The following MBD5 variants were observed in gnomAD, a reference collection of about 807,000 sequenced individuals.
MBD5 encodes the protein methyl-CpG binding domain protein 5.
Under a neutral mutation model 117.3 loss-of-function variants are expected in MBD5, and 13 were observed. The observed-to-expected ratio is 0.11, with a 90% CI of 0.07 to 0.18. The LOEUF (loss-of-function observed/expected upper bound fraction) is 0.18. Ranked by LOEUF, MBD5 falls within the 10% of genes least tolerant of loss-of-function variation. The pLI is 1.00. For missense variants in MBD5, 1,879 were observed against 2,093.8 expected, an observed-to-expected ratio of 0.90 and a Z score of 2.00; for synonymous variants, 727 against 766.4, an observed-to-expected ratio of 0.95 and a Z score of 0.85.
intron 4 of MBD5, among the ~76,000 whole-genome samples, chr2:148,357,132 A>C (rs137995973): frequency 8.1e-4 from 124 of 152,314 alleles, no homozygotes; most frequent in African/African-American, 2.9e-3. Flanking sequence ...GAGAAAACAC[A>C]TTTAAAAGGT....
Position 148,176,311 on chromosome 2 carries a change from T to G in MBD5, c.-924-2389T>G, listed in dbSNP as rs142533343. Among the ~76,000 whole-genome samples, 14 of 151,396 alleles carry G rather than the reference T, an allele frequency of 9.2e-5. No individual in the cohort carries two copies. The East Asian group carries it at 9.6e-4, about 10-fold the overall frequency. On this transcript the variant is annotated intron_variant, in intron 1 of 13. Coordinates refer to ENST00000642680, the MANE Select transcript of MBD5 (RefSeq NM_001378120.1). ...TCTGTTTATTAGAGTTTTGTTTTTT[T>G]TTTTTTTTTTTCAGAAAAAAATCTT... is the stretch of plus-strand genomic sequence containing the variant.
chr2:148,056,051 A>G (rs895389705), intron 1 of MBD5: 2 of 152,128 alleles, frequency 1.3e-5, no homozygotes, highest in Non-Finnish European at 2.9e-5. Flanking sequence ...ACCTCTCCTT[A>G]TATTTTACTC....
chr2:148,434,521 G>A (rs1156909372), intron 4 of MBD5, among the ~76,000 whole-genome samples: 3 of 151,626 alleles, frequency 2.0e-5, no homozygotes, highest in Non-Finnish European at 3.0e-5. Context: ...TTACCTGAAA[G>A]TCTTTCAGGA....
At chr2:148,346,345 C>T (rs1042215802) in intron 4 of MBD5, 1 of 151,934 alleles carries the variant, frequency 6.6e-6, no homozygotes, top group Non-Finnish European at 1.5e-5. Context: ...TCCCACTACA[C>T]ACTTTGAAAA....
chr2:148,315,911 T>C (rs763625997), intron 3 of MBD5, among the ~76,000 whole-genome samples: 1 of 152,220 alleles, frequency 6.6e-6, no homozygotes, highest in Non-Finnish European at 1.5e-5. Context: ...TAAGACTGGG[T>C]ACTTCATAAA....
rs367899250 is a variant in MBD5, at chr2:148,270,100, A to C, written c.-680+36705A>C. ...TTCTATAAATATTCTCCCTTTTCTC[A>C]GTGTCTTTCTTTTTCTCTTCACTGT... On this transcript the variant is annotated intron_variant, in intron 3 of 13. Transcript: ENST00000642680. 2.8e-4 allele frequency among the ~76,000 whole-genome samples: 43 copies of C among 151,832 alleles called. No individual in the cohort carries two copies. The East Asian group carries it at 7.6e-3, about 27-fold the overall frequency.
Position 148,516,871 on chromosome 2 carries a change from A to C in MBD5, c.*3930A>C, listed in dbSNP as rs548913281. Reference sequence around the variant, plus strand: ...TTATGTAAATACAAAGTTGTCTATAAATTGGAAAATTTGATGCCAGATGGC... The same window carrying C: ...TTATGTAAATACAAAGTTGTCTATACATTGGAAAATTTGATGCCAGATGGC... On this transcript the variant is annotated 3_prime_UTR_variant, in exon 14 of 14. Coordinates refer to ENST00000642680, the MANE Select transcript of MBD5 (RefSeq NM_001378120.1). 1.6e-4 allele frequency: 24 copies of C among 152,344 alleles called. No homozygotes were observed. The East Asian group carries it at 4.4e-3, about 28-fold the overall frequency. 9.4% of individuals were successfully genotyped at this position (152,344 alleles called of 1,614,324 possible).
intron 4 of MBD5, among the ~76,000 whole-genome samples, chr2:148,400,950 C>T (rs58869873): frequency 0.013 from 2,008 of 152,030 alleles, 49 homozygotes; most frequent in African/African-American, 0.044. Context: ...TTTGATCTAC[C>T]AATAGAGAAC....
At chr2:148,310,451 T>C (rs578191635) in intron 3 of MBD5, among the ~76,000 whole-genome samples, 1 of 152,350 alleles carries the variant, frequency 6.6e-6, no homozygotes, top group Non-Finnish European at 1.5e-5. Context: ...TATAGTATTC[T>C]CTGATGGTAG....
chr2:148,272,169 T>C (rs1048014344), intron 3 of MBD5, among the ~76,000 whole-genome samples: 1 of 152,226 alleles, frequency 6.6e-6, no homozygotes, highest in Non-Finnish European at 1.5e-5. Context: ...TACACCATGT[T>C]TTCTTTACCT....
At chr2:148,306,106 A>G (rs1574264902) in intron 3 of MBD5, among the ~76,000 whole-genome samples, 3 of 152,358 alleles carry the variant, frequency 2.0e-5, no homozygotes, top group Non-Finnish European at 4.4e-5. Context: ...AACCCAGGCT[A>G]GGATAGCAAG....
intron 1 of MBD5, chr2:148,041,399 G>C (rs1573942292): frequency 6.6e-6 from 1 of 152,312 alleles, no homozygotes; most frequent in African/African-American, 2.4e-5. Flanking sequence ...GGTCAGGAAA[G>C]AATTAGGAAA....
At chr2:148,255,873 T>C (rs936068595) in intron 3 of MBD5, among the ~76,000 whole-genome samples, 1 of 152,254 alleles carries the variant, frequency 6.6e-6, no homozygotes, top group Admixed American at 6.5e-5. Flanking sequence ...CCATTTGTTA[T>C]GCCAAGTGTT....
chr2:148,396,362 C>T lies in MBD5; in HGVS notation c.-557+54026C>T, dbSNP rs547544979. Among the ~76,000 whole-genome samples, 24 of 152,350 alleles carry T rather than the reference C, an allele frequency of 1.6e-4. No individual in the cohort carries two copies. In the South Asian group the frequency reaches 4.8e-3, roughly 30 times the overall value. On this transcript the variant is annotated intron_variant, in intron 4 of 13. Coordinates refer to ENST00000642680, the MANE Select transcript of MBD5 (RefSeq NM_001378120.1). ...ACAGCGGCGGCTACAAGCAAAATTC[C>T]ACTGCCCTGTTTTCAATATCTAACA...
intron 7 of MBD5, among the ~76,000 whole-genome samples, chr2:148,465,880 A>C (rs1707245718): frequency 6.6e-6 from 1 of 152,180 alleles, no homozygotes; most frequent in African/African-American, 2.4e-5. Context: ...ACATAATATC[A>C]TATAGATTTA....
chr2:148,308,491 C>T (rs12998029), intron 3 of MBD5, among the ~76,000 whole-genome samples: 6,131 of 66,590 alleles, frequency 0.092, 551 homozygotes, highest in South Asian at 0.18. Flanking sequence ...GGGGTTCTTT[C>T]TTTTTTTTTT....
chr2:148,483,878 C>G lies in MBD5; in HGVS notation c.3287C>G (p.Ser1096Trp), dbSNP rs754182364. 2.6e-6 allele frequency: 4 copies of G among 1,550,560 alleles called. No homozygotes were observed. Among genetic ancestry groups the G allele is most frequent in the Non-Finnish European group, 3.5e-6 (4 of 1,146,972 alleles). ...NPQLLGGVLNSASANTANHPE... is the reference protein window; with the variant it reads ...NPQLLGGVLNWASANTANHPE... ...CAGCTGTTGGGAGGTGTCCTGAACTCGGCATCGGCCAACACCGCTAATCAT... is the reference window on the plus strand; with the variant it reads ...CAGCTGTTGGGAGGTGTCCTGAACTGGGCATCGGCCAACACCGCTAATCAT... The change falls in exon 9 of 14, where the codon TCG becomes TGG. Residue 1096 changes from serine (S) to tryptophan (W), a missense_variant. Physicochemically the swap from Ser to Trp is radical, Grantham distance 177. This residue lies in a region of MBD5 where 1,666 missense variants were observed against 1,792.2 expected (regional missense o/e 0.93). Transcript: ENST00000642680.
At chr2:148,131,738 A>C (rs1179931014) in intron 1 of MBD5, among the ~76,000 whole-genome samples, 1 of 152,224 alleles carries the variant, frequency 6.6e-6, no homozygotes, top group African/African-American at 2.4e-5. Flanking sequence ...AGAAATAAGG[A>C]AATTTTTGTA....
Position 148,333,178 on chromosome 2 carries a change from GT to G in MBD5, c.-679-9033del, listed in dbSNP as rs553292073. Among the ~76,000 whole-genome samples, 37 of 152,060 alleles carry G rather than the reference GT, an allele frequency of 2.4e-4. No homozygotes were observed. In the East Asian group the frequency reaches 5.6e-3, roughly 23 times the overall value. On this transcript the variant is annotated intron_variant, in intron 3 of 13. Transcript: ENST00000642680. Reference sequence around the variant, plus strand: ...ATGTCCCTAAAGAGTCTTATTTTCTGTTTGTTTTACCCTCCATCTTTCCTGT... The same window carrying G: ...ATGTCCCTAAAGAGTCTTATTTTCTGTTGTTTTACCCTCCATCTTTCCTGT...
Sources: gnomAD v4.1 joint callset for allele counts (sites outside exome capture counted in the v4.1 genomes callset) on GRCh38, gnomAD v4.1.1 for gene constraint, gnomAD v4.1.1 regional missense constraint, MANE v1.5 for transcripts, NCBI Gene and HGNC (gene_info 2026-07-23, HGNC 2026-07-21) for gene names.